The following CPNE4 variants were observed in gnomAD, a reference collection of about 807,000 sequenced individuals.
CPNE4 encodes copine 4, also known as copine-4.
Under a neutral mutation model 67.9 loss-of-function variants are expected in CPNE4, and 25 were observed. That is an observed-to-expected ratio of 0.37 (90% CI 0.27 to 0.51). The LOEUF (loss-of-function observed/expected upper bound fraction) is 0.51, where lower values mean the gene tolerates loss of function less well. CPNE4 is among the 20% of genes least tolerant of loss of function. The pLI, the probability that CPNE4 is intolerant of heterozygous loss-of-function variation, is 0.93. For missense variants in CPNE4, 464 were observed against 690.8 expected (o/e 0.67, Z 3.68); for synonymous variants, 242 against 244.9 (o/e 0.99, Z 0.11).
chr3:131,663,042 C>T (rs932437366), intron 7 of CPNE4, among the ~76,000 whole-genome samples: 2 of 152,108 alleles, frequency 1.3e-5, no homozygotes, highest in Non-Finnish European at 2.9e-5. Context: ...TTTATAATAG[C>T]AAAGACTTGG....
At chr3:131,651,533 G>A (rs138115504) in intron 7 of CPNE4, among the ~76,000 whole-genome samples, 1 of 152,276 alleles carries the variant, frequency 6.6e-6, no homozygotes, top group African/African-American at 2.4e-5. Context: ...AAGTTAGTGT[G>A]GCCTGACAGA....
chr3:131,814,069 A>G (rs907257135), intron 2 of CPNE4, among the ~76,000 whole-genome samples: 2 of 152,180 alleles, frequency 1.3e-5, no homozygotes, highest in Non-Finnish European at 2.9e-5. Context: ...TCAGAACTAT[A>G]TTATAACAGA....
chr3:131,755,546 C>T (rs968547087), intron 2 of CPNE4, among the ~76,000 whole-genome samples: 20 of 152,114 alleles, frequency 1.3e-4, no homozygotes, highest in African/African-American at 4.3e-4. Flanking sequence ...TGAAAGAATA[C>T]AAAACAATTA....
At chr3:131,849,936 A>G (rs963129251) in intron 2 of CPNE4, among the ~76,000 whole-genome samples, 4 of 152,152 alleles carry the variant, frequency 2.6e-5, no homozygotes, top group Non-Finnish European at 4.4e-5. Context: ...AAATTGACAC[A>G]GTACTAAACC....
chr3:131,994,135 T>A (rs912855915), intron 1 of CPNE4, among the ~76,000 whole-genome samples: 3 of 136,376 alleles, frequency 2.2e-5, no homozygotes, highest in African/African-American at 7.4e-5. Context: ...AAAGTCTGCA[T>A]CTAGCAAGAT....
chr3:131,580,635 T>C (rs1400928984), intron 9 of CPNE4, among the ~76,000 whole-genome samples: 1 of 152,112 alleles, frequency 6.6e-6, no homozygotes, highest in African/African-American at 2.4e-5. Flanking sequence ...ATAACCTCAA[T>C]TGAAAGTAGA....
intron 8 of CPNE4, among the ~76,000 whole-genome samples, chr3:131,582,224 A>C (rs146485706): frequency 2.0e-5 from 3 of 152,300 alleles, no homozygotes; most frequent in African/African-American, 7.2e-5. Context: ...CTTCATGGAG[A>C]ACTAAAATAA....
At chr3:132,036,445 C>T (rs374195784), upstream of CPNE4, among the ~76,000 whole-genome samples, 77 of 152,316 alleles carry the variant, frequency 5.1e-4, no homozygotes, top group South Asian at 0.011. Flanking sequence ...GGACAATTCT[C>T]CAAGGGATAT....
chr3:131,763,599 G>A (rs1347952528), intron 2 of CPNE4, among the ~76,000 whole-genome samples: 1 of 152,082 alleles, frequency 6.6e-6, no homozygotes, highest in Non-Finnish European at 1.5e-5. Flanking sequence ...TGTGCTTCTG[G>A]CTCTCTAATC....
intron 1 of CPNE4, among the ~76,000 whole-genome samples, chr3:131,961,711 G>A (rs1483353172): frequency 2.6e-5 from 4 of 152,126 alleles, no homozygotes; most frequent in African/African-American, 9.7e-5. Context: ...GAACATACAG[G>A]ATTGAAGGGG....
chr3:131,723,388 G>C, intron 3 of CPNE4, 58 bp downstream of exon 3: 2 of 1,440,510 alleles, frequency 1.4e-6, no homozygotes, highest in Non-Finnish European at 1.9e-6. Flanking sequence ...GAGGGAAAGG[G>C]GGCAGGAAGA....
intron 1 of CPNE4, among the ~76,000 whole-genome samples, chr3:132,015,701 A>G (rs2073876397): frequency 6.6e-6 from 1 of 152,222 alleles, no homozygotes; most frequent in Non-Finnish European, 1.5e-5. Context: ...GAGGGACCTC[A>G]ACAACCTATA....
At chr3:131,610,542 C>T (rs926062318) in intron 7 of CPNE4, among the ~76,000 whole-genome samples, 2 of 152,118 alleles carry the variant, frequency 1.3e-5, no homozygotes, top group African/African-American at 4.8e-5. Flanking sequence ...TGACACACAG[C>T]AAGGTTTAAA....
chr3:131,734,491 GAGGAGT>G (rs1479664047), intron 2 of CPNE4, among the ~76,000 whole-genome samples: 1 of 152,146 alleles, frequency 6.6e-6, no homozygotes, highest in Non-Finnish European at 1.5e-5. Flanking sequence ...TTGAATATAG[GAGGAGT>G]AGGAGTATCT....
At chr3:132,001,553 G>GAGAAAGAAAGAAAGAAAGAAAGAA (rs763509045) in intron 1 of CPNE4, among the ~76,000 whole-genome samples, 2 of 101,790 alleles carry the variant, frequency 2.0e-5, no homozygotes, top group Admixed American at 1.1e-4. Context: ...AAAGAAAAAA[G>GAGAAAGAAAGAAAGAAAGAAAGAA]AGAAAGAAAG....
At chr3:131,973,012 C>T (rs1462472323) in intron 1 of CPNE4, among the ~76,000 whole-genome samples, 1 of 152,146 alleles carries the variant, frequency 6.6e-6, no homozygotes, top group Non-Finnish European at 1.5e-5. Flanking sequence ...TTAAGTCTCA[C>T]CTTTTATTTC....
At chr3:131,975,501 A>G (rs1192498444) in intron 1 of CPNE4, among the ~76,000 whole-genome samples, 3 of 152,204 alleles carry the variant, frequency 2.0e-5, no homozygotes, top group Non-Finnish European at 4.4e-5. Context: ...TAAAACTATG[A>G]CAAGCCCTGA....
At chr3:131,922,773 G>A (rs1481505020) in intron 1 of CPNE4, among the ~76,000 whole-genome samples, 2 of 152,172 alleles carry the variant, frequency 1.3e-5, no homozygotes, top group African/African-American at 4.8e-5. Context: ...GTGAGAATTA[G>A]AGGAGAGAAT....
At chr3:131,910,998 C>A (rs759211765) in intron 1 of CPNE4, among the ~76,000 whole-genome samples, 1 of 152,146 alleles carries the variant, frequency 6.6e-6, no homozygotes, top group African/African-American at 2.4e-5. Flanking sequence ...CAGACAGAGG[C>A]TAAGATGGCC....
Sources: allele counts gnomAD v4.1 joint callset (sites outside exome capture counted in the v4.1 genomes callset), GRCh38; gene constraint gnomAD v4.1.1; transcripts MANE v1.5; gene names NCBI Gene and HGNC (gene_info 2026-07-23, HGNC 2026-07-21).